The following RORB variants were observed in gnomAD, a reference collection of about 807,000 sequenced individuals.
RORB encodes the protein RAR related orphan receptor B.
RORB carries 6 observed loss-of-function variants against 59.1 expected under a neutral mutation model. The observed-to-expected ratio is 0.10, with a 90% CI of 0.06 to 0.20. RORB has a LOEUF of 0.20. Ranked by LOEUF, RORB falls within the 10% of genes least tolerant of loss-of-function variation. The pLI is 1.00. For missense variants in RORB, 320 were observed against 560.5 expected, an observed-to-expected ratio of 0.57 and a Z score of 4.33; for synonymous variants, 215 against 204.5, an observed-to-expected ratio of 1.05 and a Z score of -0.44.
chr9:74,638,857 G>C (rs1823746762), intron 3 of RORB, among the ~76,000 whole-genome samples: 2 of 152,168 alleles, frequency 1.3e-5, no homozygotes, highest in African/African-American at 4.8e-5. Context: ...TAGTATTACA[G>C]TCATTGTCAG....
intron 1 of RORB, among the ~76,000 whole-genome samples, chr9:74,611,751 G>T (rs1401760954): frequency 1.3e-5 from 2 of 152,136 alleles, no homozygotes; most frequent in African/African-American, 2.4e-5. Context: ...AGGCTCAAGC[G>T]ATTCTCCTGC....
intron 1 of RORB, among the ~76,000 whole-genome samples, chr9:74,530,951 T>C (rs1686857472): frequency 6.6e-6 from 1 of 151,886 alleles, no homozygotes; most frequent in African/African-American, 2.4e-5. Context: ...TTTTTCCTTT[T>C]TATTATTTTC....
intron 1 of RORB, among the ~76,000 whole-genome samples, chr9:74,554,120 A>C (rs1826654021): frequency 6.6e-6 from 1 of 152,206 alleles, no homozygotes; most frequent in Non-Finnish European, 1.5e-5. Context: ...ATCTCAGTCC[A>C]CACTTAAGTT....
intron 4 of RORB, among the ~76,000 whole-genome samples, chr9:74,659,612 T>C (rs1013491403): frequency 6.6e-6 from 1 of 152,158 alleles, no homozygotes; most frequent in African/African-American, 2.4e-5. Context: ...TGCCTCAGCC[T>C]CCTGAGTAGC....
chr9:74,621,016 A>C (rs1823405410), intron 1 of RORB, among the ~76,000 whole-genome samples: 1 of 152,230 alleles, frequency 6.6e-6, no homozygotes, highest in Non-Finnish European at 1.5e-5. Context: ...TAATTGAGCA[A>C]ATAGTACATA....
chr9:74,535,148 GGTGTGTGTGTGTT>G (rs1394099677), intron 1 of RORB, among the ~76,000 whole-genome samples: 1 of 151,496 alleles, frequency 6.6e-6, no homozygotes, highest in Non-Finnish European at 1.5e-5. Context: ...GCACCATAGG[GGTGTGTGTGTGTT>G]GTGTGTGTGT....
At position 74,692,810 on chromosome 9, in the gene RORB, C is replaced by A. The variant is rs1372621303; in HGVS notation, c.*7192C>A. 2.0e-5 allele frequency: 3 copies of A among 152,242 alleles called. No individual in the cohort carries two copies. Among genetic ancestry groups the A allele is most frequent in the African/African-American group, 7.2e-5 (3 of 41,534 alleles). The allele number at this position is 152,242 out of a possible 1,614,324, so 9.4% of individuals were successfully genotyped here. On this transcript the variant is annotated 3_prime_UTR_variant, in exon 10 of 10. Transcript: ENST00000376896. Reference sequence around the variant, plus strand: ...GGCAAACCACAAATAAACCCAGTGACATATATAGTTTTAAAATCTACAATT... The same window carrying A: ...GGCAAACCACAAATAAACCCAGTGAAATATATAGTTTTAAAATCTACAATT...
intron 1 of RORB, among the ~76,000 whole-genome samples, chr9:74,534,165 A>G (rs559838402): frequency 1.6e-4 from 24 of 152,134 alleles, no homozygotes; most frequent in South Asian, 1.2e-3. Flanking sequence ...TCATATACGG[A>G]TAAAAATAGA....
In RORB at chr9:74,687,197, G is replaced by A. The variant is rs1824662408; in HGVS notation, c.*1579G>A. On this transcript the variant is annotated 3_prime_UTR_variant, in exon 10 of 10. Coordinates refer to ENST00000376896, the MANE Select transcript of RORB (RefSeq NM_006914.4). ...ATAAAACTTAAAAAAAAGAAAACAA[G>A]CTAAGAGAGAAGTTTGTGTATAAGA... 6.6e-6 allele frequency: 1 copy of A among 151,890 alleles called. No individual in the cohort carries two copies. Among genetic ancestry groups the A allele is most frequent in the Non-Finnish European group, 1.5e-5 (1 of 67,956 alleles). 9.4% of individuals were successfully genotyped at this position (151,890 alleles called of 1,614,324 possible).
intron 1 of RORB, among the ~76,000 whole-genome samples, chr9:74,589,882 T>C (rs1291421790): frequency 6.6e-6 from 1 of 152,196 alleles, no homozygotes; most frequent in Non-Finnish European, 1.5e-5. Context: ...ATTTGCACAC[T>C]GCTATTAATT....
intron 1 of RORB, among the ~76,000 whole-genome samples, chr9:74,602,971 G>C (rs188098371): frequency 1.3e-5 from 2 of 152,140 alleles, no homozygotes; most frequent in Non-Finnish European, 2.9e-5. Context: ...TAATGTAAAC[G>C]AGTATAAGCC....
intron 1 of RORB, among the ~76,000 whole-genome samples, chr9:74,532,489 A>G (rs1826256678): frequency 6.6e-6 from 1 of 151,928 alleles, no homozygotes; most frequent in African/African-American, 2.4e-5. Flanking sequence ...TCAGCTATAC[A>G]TCATACTCTT....
intron 1 of RORB, among the ~76,000 whole-genome samples, chr9:74,537,494 T>C (rs1184075168): frequency 6.6e-6 from 1 of 151,942 alleles, no homozygotes; most frequent in Non-Finnish European, 1.5e-5. Flanking sequence ...TAACAAGAGT[T>C]GAAAAAAAAT....
At chr9:74,499,386 G>T (rs1001413450) in intron 1 of RORB, among the ~76,000 whole-genome samples, 9 of 152,122 alleles carry the variant, frequency 5.9e-5, no homozygotes, top group African/African-American at 1.9e-4. Context: ...TCCCGCACCC[G>T]GTGAGCCCCG....
At chr9:74,660,231 A>G (rs1824157967) in intron 4 of RORB, among the ~76,000 whole-genome samples, 1 of 152,188 alleles carries the variant, frequency 6.6e-6, no homozygotes, top group Non-Finnish European at 1.5e-5. Context: ...GATAAACAAT[A>G]GGGTTCTAGT....
intron 1 of RORB, among the ~76,000 whole-genome samples, chr9:74,592,338 AT>A (rs1378027355): frequency 2.6e-5 from 4 of 152,302 alleles, no homozygotes; most frequent in Admixed American, 2.6e-4. Context: ...TATAAAAGTG[AT>A]TTTTACATAC....
intron 1 of RORB, among the ~76,000 whole-genome samples, chr9:74,594,832 C>T (rs1047700326): frequency 6.6e-6 from 1 of 152,114 alleles, no homozygotes; most frequent in African/African-American, 2.4e-5. Flanking sequence ...GGGAGGGAAG[C>T]TGCTTGATTG....
chr9:74,679,652 T>G (rs1336603373), intron 9 of RORB, among the ~76,000 whole-genome samples: 2 of 152,178 alleles, frequency 1.3e-5, no homozygotes, highest in African/African-American at 2.4e-5. Context: ...GGAACTCCAC[T>G]GAGAAGCTAG....
At chr9:74,533,484 TC>T (rs1481719179) in intron 1 of RORB, among the ~76,000 whole-genome samples, 1 of 151,898 alleles carries the variant, frequency 6.6e-6, no homozygotes, top group Admixed American at 6.6e-5. Context: ...AGAAGCAGAG[TC>T]CCTTTGACAT....
Sources: gnomAD v4.1 joint callset for allele counts (sites outside exome capture counted in the v4.1 genomes callset) on GRCh38, gnomAD v4.1.1 for gene constraint, MANE v1.5 for transcripts, NCBI Gene and HGNC (gene_info 2026-07-23, HGNC 2026-07-21) for gene names.